NDUFAF2: variants seen among roughly 807,000 people sequenced by gnomAD.
NDUFAF2 encodes the protein NADH:ubiquinone oxidoreductase complex assembly factor 2, also known as NADH dehydrogenase [ubiquinone] 1 alpha subcomplex assembly factor 2.
A neutral mutation model predicts 22.8 loss-of-function variants in NDUFAF2; 13 were observed. That is an observed-to-expected ratio of 0.57 (90% CI 0.37 to 0.91). The LOEUF (loss-of-function observed/expected upper bound fraction) is 0.91, where lower values mean the gene tolerates loss of function less well. NDUFAF2 is among the 40% of genes least tolerant of loss of function. The pLI is 0.01. For missense variants in NDUFAF2, 162 were observed against 195.2 expected (o/e 0.83, Z 1.01); for synonymous variants, 53 against 64.2 (o/e 0.83, Z 0.84).
chr5:61,051,670 T>A (rs1024641840), intron 1 of NDUFAF2, among the ~76,000 whole-genome samples: 1 of 151,932 alleles, frequency 6.6e-6, no homozygotes, highest in Non-Finnish European at 1.5e-5. Flanking sequence ...TAGAATTGAG[T>A]TTTGTATAGG....
chr5:60,978,295 CTTGACAGACAG>C (rs1750930182), intron 1 of NDUFAF2, among the ~76,000 whole-genome samples: 1 of 152,086 alleles, frequency 6.6e-6, no homozygotes, highest in South Asian at 2.1e-4. Flanking sequence ...CCTTGATAAA[CTTGACAGACAG>C]TTGTATTAGT....
intron 1 of NDUFAF2, among the ~76,000 whole-genome samples, chr5:61,056,302 T>C (rs1752086544): frequency 6.6e-6 from 1 of 152,200 alleles, no homozygotes; most frequent in African/African-American, 2.4e-5. Flanking sequence ...CATATCTTAC[T>C]ATTAGTGACT....
At chr5:61,075,496 C>T (rs1752357671) in intron 2 of NDUFAF2, among the ~76,000 whole-genome samples, 1 of 152,108 alleles carries the variant, frequency 6.6e-6, no homozygotes, top group African/African-American at 2.4e-5. Flanking sequence ...ATGCGTGCAC[C>T]TTCTTAGAAT....
At chr5:61,114,206 C>T (rs1475633628) in intron 3 of NDUFAF2, among the ~76,000 whole-genome samples, 1 of 151,960 alleles carries the variant, frequency 6.6e-6, no homozygotes, top group Non-Finnish European at 1.5e-5. Context: ...AGGCATGGTT[C>T]CTTGTTTTTT....
intron 3 of NDUFAF2, among the ~76,000 whole-genome samples, chr5:61,145,383 T>C (rs1371162164): frequency 6.6e-6 from 1 of 152,214 alleles, no homozygotes; most frequent in Non-Finnish European, 1.5e-5. Flanking sequence ...TTTTTTAATC[T>C]AATCCTTCAC....
chr5:61,122,747 C>T (rs1752991381), intron 3 of NDUFAF2, among the ~76,000 whole-genome samples: 1 of 152,166 alleles, frequency 6.6e-6, no homozygotes, highest in Admixed American at 6.6e-5. Flanking sequence ...GAAAAAGAGA[C>T]AAGCATATAA....
At chr5:60,961,603 A>C (rs1750686660) in intron 1 of NDUFAF2, among the ~76,000 whole-genome samples, 2 of 150,270 alleles carry the variant, frequency 1.3e-5, no homozygotes, top group South Asian at 4.2e-4. Flanking sequence ...TCAAAAAAAA[A>C]AAAAAAAAAA....
intron 1 of NDUFAF2, among the ~76,000 whole-genome samples, chr5:61,047,020 A>G (rs1751961918): frequency 6.6e-6 from 1 of 152,158 alleles, no homozygotes; most frequent in South Asian, 2.1e-4. Flanking sequence ...TGGCTGCTCT[A>G]CAGAGCGCTA....
chr5:61,012,390 A>G (rs1267577055), intron 1 of NDUFAF2, among the ~76,000 whole-genome samples: 2 of 152,168 alleles, frequency 1.3e-5, no homozygotes, highest in Non-Finnish European at 2.9e-5. Context: ...TTCCCAACAG[A>G]CAAATATTGA....
intron 1 of NDUFAF2, among the ~76,000 whole-genome samples, chr5:60,967,588 C>T (rs1190527994): frequency 1.3e-5 from 2 of 151,456 alleles, no homozygotes; most frequent in East Asian, 1.9e-4. Flanking sequence ...TTTTCTACAT[C>T]TATTGAGATG....
chr5:61,112,779 C>T (rs1157390124), intron 3 of NDUFAF2, among the ~76,000 whole-genome samples: 2 of 151,738 alleles, frequency 1.3e-5, no homozygotes, highest in South Asian at 4.1e-4. Flanking sequence ...TTACTCTTGA[C>T]ATTTTGTTGT....
At chr5:60,957,156 A>G (rs1248140660) in intron 1 of NDUFAF2, among the ~76,000 whole-genome samples, 1 of 151,988 alleles carries the variant, frequency 6.6e-6, no homozygotes, top group Non-Finnish European at 1.5e-5. Context: ...TTTATTTTTA[A>G]TTATTGAATT....
intron 1 of NDUFAF2, among the ~76,000 whole-genome samples, chr5:61,060,832 C>A (rs142186813): frequency 6.6e-6 from 1 of 152,202 alleles, no homozygotes; most frequent in Non-Finnish European, 1.5e-5. Flanking sequence ...TAGCCCTCTA[C>A]CTTTGATTTG....
intron 1 of NDUFAF2, among the ~76,000 whole-genome samples, chr5:60,977,256 C>T (rs2619890): frequency 0.67 from 102,036 of 151,526 alleles, 34,690 homozygotes; most frequent in East Asian, 0.94. Context: ...AGTGAGACCC[C>T]ATCTCTACAA....
intron 2 of NDUFAF2, 109 bp from the exon 3 acceptor site, chr5:61,098,883 C>T (rs1294040124): frequency 4.4e-6 from 3 of 684,452 alleles, no homozygotes; most frequent in East Asian, 2.7e-5. Flanking sequence ...GCTGTATCTC[C>T]AGTACCTAAA....
Position 61,073,299 on chromosome 5 carries a change from A to G in NDUFAF2, c.217+85A>G, listed in dbSNP as rs1752324968. 3.9e-6 allele frequency: 4 copies of G among 1,016,844 alleles called. No individual in the cohort carries two copies. In the East Asian group the frequency reaches 7.2e-5, roughly 18 times the overall value. 63.0% of individuals were successfully genotyped at this position (1,016,844 alleles called of 1,614,324 possible). On this transcript the variant is annotated intron_variant, in intron 2 of 3. Coordinates refer to ENST00000296597, the MANE Select transcript of NDUFAF2 (RefSeq NM_174889.5). ...TCAATAAGAGCATATATAGTTATAT[A>G]CTGTTTCTCTTTGCAAAAAAGTTTT...
At chr5:61,025,209 C>G (rs1751634730) in intron 1 of NDUFAF2, among the ~76,000 whole-genome samples, 1 of 152,016 alleles carries the variant, frequency 6.6e-6, no homozygotes, top group African/African-American at 2.4e-5. Context: ...ATCTCCATAA[C>G]CCCATGACCT....
At chr5:61,135,942 C>T (rs1037704833) in intron 3 of NDUFAF2, among the ~76,000 whole-genome samples, 1 of 145,678 alleles carries the variant, frequency 6.9e-6, no homozygotes, top group Admixed American at 6.8e-5. Flanking sequence ...CTTCCACTAT[C>T]CCCATTTACA....
intron 2 of NDUFAF2, among the ~76,000 whole-genome samples, chr5:61,091,054 A>G (rs1752561856): frequency 6.6e-6 from 1 of 152,164 alleles, no homozygotes. Context: ...TCCATGGTGT[A>G]TATTTACCAC....
Sources: gnomAD v4.1 joint callset for allele counts (sites outside exome capture counted in the v4.1 genomes callset) on GRCh38, gnomAD v4.1.1 for gene constraint, MANE v1.5 for transcripts, NCBI Gene and HGNC (gene_info 2026-07-23, HGNC 2026-07-21) for gene names.